ANTXRL: variants seen among roughly 807,000 people sequenced by gnomAD.
The protein encoded by ANTXRL is ANTXR like.
Under a neutral mutation model 75.4 loss-of-function variants are expected in ANTXRL, and 63 were observed. The observed-to-expected ratio is 0.84, with a 90% confidence interval of 0.68 to 1.03. ANTXRL has a LOEUF of 1.03. ANTXRL is among the 50% of genes least tolerant of loss of function. The probability of loss-of-function intolerance (pLI) is 0.00; values close to 1 mark genes in which losing one functional copy is unlikely to be tolerated. For missense variants in ANTXRL, 797 were observed against 789.4 expected (o/e 1.01, Z -0.12); for synonymous variants, 335 against 291.3 (o/e 1.15, Z -1.53).
At chr10:46,289,481 C>A (rs1484536110) in intron 1 of ANTXRL, among the ~76,000 whole-genome samples, 1 of 152,126 alleles carries the variant, frequency 6.6e-6, no homozygotes, top group Non-Finnish European at 1.5e-5. Flanking sequence ...GTAATCCCAG[C>A]AATTTGGGAG....
chr10:46,319,594 G>C (rs997126568), intron 16 of ANTXRL, among the ~76,000 whole-genome samples: 2 of 152,136 alleles, frequency 1.3e-5, no homozygotes, highest in African/African-American at 4.8e-5. Context: ...CATAGTCTTT[G>C]TTCAGGGTGT....
chr10:46,330,095 A>C lies in ANTXRL; in HGVS notation c.*11A>C. On this transcript the variant is annotated 3_prime_UTR_variant, in exon 17 of 17. Coordinates refer to ENST00000620264, the MANE Select transcript of ANTXRL (RefSeq NM_001278688.3). The stretch of plus-strand genomic sequence containing the variant: ...GAGCCCAACTTCTAAGGCACCAAAC[A>C]CCCAAGATTAACAGGCTTTTGTTGC... The C allele has an allele frequency of 2.0e-6, 3 of 1,485,874 alleles. No homozygotes were observed. The highest frequency in any genetic ancestry group is 2.7e-6 in the Non-Finnish European group (3 of 1,120,348). The allele number at this position is 1,485,874 out of a possible 1,614,324, so 92.0% of individuals were successfully genotyped here.
intron 12 of ANTXRL, chr10:46,308,614 T>C: frequency 2.8e-6 from 1 of 361,006 alleles, no homozygotes; most frequent in Non-Finnish European, 5.5e-6. Flanking sequence ...GACTTGGAGC[T>C]CTCTAAACCT....
intron 5 of ANTXRL, among the ~76,000 whole-genome samples, 195 bp from the exon 6 acceptor site, chr10:46,297,057 C>G (rs1317353454): frequency 2.0e-5 from 3 of 152,136 alleles, no homozygotes; most frequent in Non-Finnish European, 4.4e-5. Context: ...CTGAGACCTC[C>G]CTGACTCTAG....
At chr10:46,307,593 G>T (rs1290068345) in intron 12 of ANTXRL, 113 bp downstream of exon 12, 95 of 1,050,814 alleles carry the variant, frequency 9.0e-5, no homozygotes, top group Non-Finnish European at 1.3e-5. Flanking sequence ...AGTAGCGTGT[G>T]CAGCAGGCAC....
chr10:46,297,463 A>C lies in ANTXRL; in HGVS notation c.643A>C (p.Asn215His). The change falls in exon 7 of 17, where the codon AAT (asparagine) becomes CAT (histidine). Residue 215 changes from asparagine (N) to histidine (H), a missense_variant. Physicochemically the swap from Asn to His is moderately conservative, Grantham distance 68. This residue lies in a region of ANTXRL where 262 missense variants were observed against 271.9 expected (regional missense o/e 0.96). Transcript: ENST00000620264. ...TTACACCCTGGGTGTGGCTGATTAT[A>C]ATCTGGATCAGGTAATTCCAAGCAG... is the stretch of plus-strand genomic sequence containing the variant. ...NVYTLGVADY[N>H]LDQITAIADS... 3 of 1,535,740 alleles carry C rather than the reference A, an allele frequency of 2.0e-6. No individual in the cohort carries two copies. The South Asian group carries it at 3.6e-5, about 18-fold the overall frequency.
intron 12 of ANTXRL, chr10:46,308,385 C>A: frequency 2.4e-6 from 1 of 414,700 alleles, no homozygotes; most frequent in Non-Finnish European, 4.8e-6. Context: ...GGGTTCCCAG[C>A]ACAGGCCCCT....
At chr10:46,326,622 C>A (rs1267413750) in intron 16 of ANTXRL, among the ~76,000 whole-genome samples, 1 of 152,084 alleles carries the variant, frequency 6.6e-6, no homozygotes, top group African/African-American at 2.4e-5. Flanking sequence ...GCCTTATAGT[C>A]TGGGTGGTGC....
chr10:46,329,868 C>G lies in ANTXRL; in HGVS notation c.1680C>G (p.Ser560Arg), dbSNP rs782389062. Residue 560 changes from serine to arginine, a missense_variant, in exon 17 of 17, where the codon AGC (serine) becomes AGG (arginine). Coordinates refer to ENST00000620264, the MANE Select transcript of ANTXRL (RefSeq NM_001278688.3). Reference sequence around the variant, plus strand: ...GCCCAAGGATCTGCCTGAGACACAGCCCGGAGTACTTTTCCCAAGCACAGA... The same window carrying G: ...GCCCAAGGATCTGCCTGAGACACAGGCCGGAGTACTTTTCCCAAGCACAGA... ...PCSPRICLRH[S>R]PEYFSQAQTL... 2.0e-6 allele frequency: 3 copies of G among 1,535,300 alleles called. No homozygotes were observed. Among genetic ancestry groups the G allele is most frequent in the East Asian group, 4.9e-5 (2 of 40,890 alleles).
intron 7 of ANTXRL, 129 bp from the exon 8 acceptor site, chr10:46,297,702 T>G: frequency 1.1e-6 from 1 of 930,368 alleles, no homozygotes; most frequent in Non-Finnish European, 1.6e-6. Context: ...GCTGGAGAAG[T>G]CTGTGACATT....
chr10:46,305,410 C>T (rs1554961628), intron 10 of ANTXRL, among the ~76,000 whole-genome samples: 1 of 152,184 alleles, frequency 6.6e-6, no homozygotes, highest in Non-Finnish European at 1.5e-5. Flanking sequence ...AAACTATGTG[C>T]ATATTTAGGG....
At chr10:46,328,234 G>A (rs1830206169) in intron 16 of ANTXRL, among the ~76,000 whole-genome samples, 2 of 152,174 alleles carry the variant, frequency 1.3e-5, no homozygotes, top group South Asian at 4.1e-4. Flanking sequence ...AGTTCACTGG[G>A]CAGACAAGGT....
intron 14 of ANTXRL, 74 bp from the exon 15 acceptor site, chr10:46,311,436 A>C: frequency 7.0e-7 from 1 of 1,425,816 alleles, no homozygotes; most frequent in Non-Finnish European, 9.2e-7. Context: ...TTCATTCCCC[A>C]GACACACATC....
chr10:46,287,367 T>C lies in ANTXRL; in HGVS notation c.105T>C (p.Pro35=). 1 of 1,536,048 alleles carries C rather than the reference T, an allele frequency of 6.5e-7. No individual in the cohort carries two copies. Among genetic ancestry groups the C allele is most frequent in the South Asian group, 1.2e-5 (1 of 84,052 alleles). Residue 35 remains proline, a synonymous_variant, in exon 1 of 17, where the codon CCT becomes CCC. Transcript: ENST00000620264. The part of the protein sequence containing the change: ...FRAGSLRYHG[P]DWRIFHRLAL... ...CAGGAAGCCTTCGGTACCATGGACC[T>C]GACTGGAGAATATTTCACCGCCTGG...
At chr10:46,320,840 T>G (rs781789007) in intron 16 of ANTXRL, among the ~76,000 whole-genome samples, 2 of 152,214 alleles carry the variant, frequency 1.3e-5, no homozygotes, top group Non-Finnish European at 2.9e-5. Flanking sequence ...TTTTAAAAAG[T>G]ACCCTACTGA....
In ANTXRL at chr10:46,329,590, T is replaced by G. The variant is rs1588879442; in HGVS notation, c.1411-9T>G. 1 of 1,533,350 alleles carries G rather than the reference T, an allele frequency of 6.5e-7. No homozygotes were observed. The highest frequency in any genetic ancestry group is 2.5e-5 in the East Asian group (1 of 40,814). The allele number at this position is 1,533,350 out of a possible 1,614,324, so 95.0% of individuals were successfully genotyped here. Reference sequence around the variant, plus strand: ...CACGGTGACCTTCTCTCTCTTCTCTTCCCTACAGGGGAGGTACCTCAGCTT... The same window carrying G: ...CACGGTGACCTTCTCTCTCTTCTCTGCCCTACAGGGGAGGTACCTCAGCTT... On this transcript the variant is annotated splice_polypyrimidine_tract_variant and intron_variant, in intron 16 of 16. Transcript: ENST00000620264.
chr10:46,314,366 A>G (rs1838603125), intron 16 of ANTXRL, among the ~76,000 whole-genome samples: 1 of 152,062 alleles, frequency 6.6e-6, no homozygotes, highest in Admixed American at 6.6e-5. Context: ...GAGGTCCCAT[A>G]AGGCCTCTCC....
intron 16 of ANTXRL, among the ~76,000 whole-genome samples, chr10:46,316,273 A>G (rs1332295950): frequency 1.3e-5 from 2 of 152,088 alleles, no homozygotes; most frequent in African/African-American, 4.8e-5. Context: ...CACAACACCC[A>G]GGAAGGCTCA....
intron 16 of ANTXRL, among the ~76,000 whole-genome samples, chr10:46,328,826 A>G (rs1220506132): frequency 3.3e-5 from 5 of 152,064 alleles, no homozygotes; most frequent in Non-Finnish European, 7.4e-5. Context: ...AAGAGATGGG[A>G]AAGCCATTCC....
Sources: gnomAD v4.1 joint callset for allele counts (sites outside exome capture counted in the v4.1 genomes callset) on GRCh38, gnomAD v4.1.1 for gene constraint, gnomAD v4.1.1 regional missense constraint, MANE v1.5 for transcripts, NCBI Gene and HGNC (gene_info 2026-07-23, HGNC 2026-07-21) for gene names.